HDAC9: variants seen among roughly 807,000 people sequenced by gnomAD.
The protein encoded by HDAC9 is MEF-2 interacting transcription repressor (MITR) protein.
A neutral mutation model predicts 139.4 loss-of-function variants in HDAC9; 41 were observed. The ratio of observed to expected loss-of-function variants is 0.29; its 90% CI spans 0.23 to 0.38. The LOEUF (loss-of-function observed/expected upper bound fraction) is 0.38, where lower values mean the gene tolerates loss of function less well. HDAC9 is among the 10% of genes least tolerant of loss of function. The probability of loss-of-function intolerance (pLI) is 1.00; values close to 1 mark genes in which losing one functional copy is unlikely to be tolerated. For missense variants in HDAC9, 1,147 were observed against 1,297.0 expected (o/e 0.88, Z 1.78); for synonymous variants, 517 against 476.2 (o/e 1.09, Z -1.12).
chr7:18,168,879 GTTTT>G (rs112502543), intron 2 of HDAC9, among the ~76,000 whole-genome samples: 459 of 80,872 alleles, frequency 5.7e-3, no homozygotes, highest in East Asian at 0.014. Context: ...CAAATGTCTT[GTTTT>G]TTTTTTTTTT....
At chr7:18,519,301 T>C (rs1804226282) in intron 2 of HDAC9, among the ~76,000 whole-genome samples, 1 of 152,140 alleles carries the variant, frequency 6.6e-6, no homozygotes, top group Non-Finnish European at 1.5e-5. Context: ...CAGAAACAAA[T>C]TAAATGACAA....
chr7:18,182,209 G>C (rs1354716091), intron 2 of HDAC9, among the ~76,000 whole-genome samples: 1 of 152,178 alleles, frequency 6.6e-6, no homozygotes, highest in Non-Finnish European at 1.5e-5. Flanking sequence ...CTAGGTCATT[G>C]TGAAGGTATA....
chr7:18,845,099 CAA>C (rs1298265797), intron 21 of HDAC9, among the ~76,000 whole-genome samples: 2 of 151,944 alleles, frequency 1.3e-5, no homozygotes, highest in Non-Finnish European at 2.9e-5. Context: ...TGAAGTCTGC[CAA>C]AAGTTTGTTA....
intron 2 of HDAC9, among the ~76,000 whole-genome samples, chr7:18,554,719 A>G (rs1043058849): frequency 1.3e-5 from 2 of 152,018 alleles, no homozygotes; most frequent in Non-Finnish European, 2.9e-5. Flanking sequence ...TGCCCTGGAT[A>G]ACTCCTACTT....
chr7:18,581,396 C>T (rs1052740687), intron 2 of HDAC9, among the ~76,000 whole-genome samples: 1 of 152,052 alleles, frequency 6.6e-6, no homozygotes, highest in Non-Finnish European at 1.5e-5. Flanking sequence ...AGCAGTTAGA[C>T]GCAATCATTT....
intron 12 of HDAC9, among the ~76,000 whole-genome samples, chr7:18,696,608 C>T (rs1010153268): frequency 1.1e-4 from 16 of 151,838 alleles, no homozygotes; most frequent in African/African-American, 3.1e-4. Flanking sequence ...GCTGGGACTA[C>T]AGATGCACGT....
rs180917314 is a variant in HDAC9, at chr7:18,966,926, A to T, written c.3023-8880A>T. On this transcript the variant is annotated intron_variant, in intron 24 of 25. Coordinates refer to ENST00000686413, the MANE Select transcript of HDAC9 (RefSeq NM_178425.4). ...TGTTACATATTTTAATTTCGCTATC[A>T]ACATTATTAGCTGAAATGAGCTCAC... is the stretch of plus-strand genomic sequence containing the variant. Among the ~76,000 whole-genome samples, 28 of 152,362 alleles carry T rather than the reference A, an allele frequency of 1.8e-4. 1 individual carries two copies. In the East Asian group the frequency reaches 3.1e-3, roughly 17 times the overall value.
intron 2 of HDAC9, among the ~76,000 whole-genome samples, chr7:18,553,328 T>C (rs972363415): frequency 1.3e-5 from 2 of 152,170 alleles, no homozygotes; most frequent in African/African-American, 4.8e-5. Context: ...GAACCCTATG[T>C]TTTTAGGGTG....
rs1219532960 is a variant in HDAC9 at position 18,495,821 on chromosome 7, C to G, written c.-244C>G. On this transcript the variant is annotated 5_prime_UTR_variant, in exon 1 of 26. Coordinates refer to ENST00000686413, the MANE Select transcript of HDAC9 (RefSeq NM_178425.4). ...CTTGCAGGACTGAGGGTTTTTGCAA[C>G]AAAACCCTAGCAGCCTGAAGAACTC... The G allele has an allele frequency of 9.8e-7, 1 of 1,018,334 alleles. No individual in the cohort carries two copies. The highest frequency in any genetic ancestry group is 1.2e-6 in the Non-Finnish European group (1 of 851,998). The allele number at this position is 1,018,334 out of a possible 1,614,324, so 63.1% of individuals were successfully genotyped here. A position where few individuals can be genotyped will look rare whatever the true frequency, so the allele number is the denominator to read the frequency against.
At chr7:18,396,564 T>C (rs1787083881) in intron 1 of HDAC9, among the ~76,000 whole-genome samples, 1 of 152,142 alleles carries the variant, frequency 6.6e-6, no homozygotes, top group Admixed American at 6.6e-5. Flanking sequence ...ATTTTTTACT[T>C]GAATTAGATT....
chr7:18,478,055 A>AAAAC lies in HDAC9; in HGVS notation c.-41-18195_-41-18192dup, dbSNP rs1007928038. 3.9e-5 allele frequency among the ~76,000 whole-genome samples: 6 copies of AAAAC among 152,206 alleles called. No homozygotes were observed. In the East Asian group the frequency reaches 9.7e-4, roughly 25 times the overall value. On this transcript the variant is annotated intron_variant, in intron 1 of 3. Transcript: ENST00000413509. ...TTAAAGCACCAATCACCTTTAGGAA[A>AAAAC]AAACAAACAAACAAAAAAAACTTTT...
intron 1 of HDAC9, among the ~76,000 whole-genome samples, chr7:18,472,072 C>G (rs1446365481): frequency 6.6e-6 from 1 of 152,196 alleles, no homozygotes; most frequent in African/African-American, 2.4e-5. Flanking sequence ...CTAATTGTTA[C>G]AGACTTCCTC....
At chr7:18,748,167 A>C (rs1338371645) in intron 13 of HDAC9, among the ~76,000 whole-genome samples, 3 of 152,196 alleles carry the variant, frequency 2.0e-5, no homozygotes, top group Non-Finnish European at 2.9e-5. Context: ...TATAATTATC[A>C]TCTAACTTGT....
In HDAC9 at chr7:18,666,333, A is replaced by T; in HGVS notation, c.1588A>T (p.Thr530Ser). 6.2e-7 allele frequency: 1 copy of T among 1,613,428 alleles called. No homozygotes were observed. The highest frequency in any genetic ancestry group is 1.3e-5 in the African/African-American group (1 of 75,000). The change falls in exon 12 of 26, where the codon ACT (threonine) becomes TCT (serine). Residue 530 changes from threonine (T) to serine (S), a missense_variant. Physicochemically the swap from Thr to Ser is moderately conservative, Grantham distance 58. This residue lies in a region of HDAC9 where 256 missense variants were observed against 219.2 expected (regional missense o/e 1.17). Coordinates refer to ENST00000686413, the MANE Select transcript of HDAC9 (RefSeq NM_178425.4). Reference sequence around the variant, plus strand: ...CAGAGCGCCCTCTAGTGGCAACAGCACTAGGAGCGACAGCAGTGCTTGTGT... The same window carrying T: ...CAGAGCGCCCTCTAGTGGCAACAGCTCTAGGAGCGACAGCAGTGCTTGTGT... ...EDRAPSSGNS[T>S]RSDSSACVDD...
At chr7:18,819,362 T>A (rs1201343509) in intron 17 of HDAC9, among the ~76,000 whole-genome samples, 1 of 152,238 alleles carries the variant, frequency 6.6e-6, no homozygotes, top group East Asian at 1.9e-4. Context: ...GCTTACTGCC[T>A]GCCCTTTATT....
At chr7:18,605,720 G>A (rs1177468142) in intron 6 of HDAC9, among the ~76,000 whole-genome samples, 4 of 151,622 alleles carry the variant, frequency 2.6e-5, no homozygotes, top group Non-Finnish European at 4.4e-5. Flanking sequence ...TTGTTCTGTC[G>A]CCCAGGCTGG....
rs7812296 is a variant in HDAC9, at chr7:18,997,115, T to G, written c.*1053T>G. ...AGGGCCTTGACTATTTAGTTTATTT[T>G]GTTTACTTTACAGGTTAACACAGTT... On this transcript the variant is annotated 3_prime_UTR_variant, in exon 26 of 26. Transcript: ENST00000686413. 1.3e-5 allele frequency: 2 copies of G among 151,916 alleles called. No homozygotes were observed. The highest frequency in any genetic ancestry group is 4.8e-5 in the African/African-American group (2 of 41,354). The allele number at this position is 151,916 out of a possible 1,614,324, so 9.4% of individuals were successfully genotyped here. A position where few individuals can be genotyped will look rare whatever the true frequency, so the allele number is the denominator to read the frequency against.
intron 17 of HDAC9, among the ~76,000 whole-genome samples, chr7:18,825,999 A>G (rs1421913363): frequency 1.3e-5 from 2 of 151,836 alleles, no homozygotes; most frequent in Admixed American, 6.6e-5. Flanking sequence ...CAAATGTAAC[A>G]TGTTAGTGCG....
In HDAC9 at chr7:18,606,844, A is replaced by G. The variant is rs567279320; in HGVS notation, c.664+12815A>G. 2.1e-4 allele frequency among the ~76,000 whole-genome samples: 32 copies of G among 152,272 alleles called. No individual in the cohort carries two copies. In the South Asian group the frequency reaches 5.2e-3, roughly 25 times the overall value. ...TTAAACTAACATATCTGAAATCTGA[A>G]TTGCTCTCATGGATGTTTATAGTTT... On this transcript the variant is annotated intron_variant, in intron 6 of 25. Transcript: ENST00000686413.
Sources: gnomAD v4.1 joint callset for allele counts (sites outside exome capture counted in the v4.1 genomes callset) on GRCh38, gnomAD v4.1.1 for gene constraint, gnomAD v4.1.1 regional missense constraint, MANE v1.5 for transcripts, NCBI Gene and HGNC (gene_info 2026-07-23, HGNC 2026-07-21) for gene names.